METTL13: variants seen among roughly 807,000 people sequenced by gnomAD.
The protein encoded by METTL13 is eEF1A lysine and N-terminal methyltransferase.
METTL13 carries 52 observed loss-of-function variants against 67.4 expected under a neutral mutation model. The ratio of observed to expected loss-of-function variants is 0.77; its 90% CI spans 0.62 to 0.97. The LOEUF is 0.97. Ranked by LOEUF, METTL13 falls within the 50% of genes least tolerant of loss-of-function variation. The pLI, the probability that METTL13 is intolerant of heterozygous loss-of-function variation, is 0.00. For missense variants in METTL13, 825 were observed against 889.6 expected (o/e 0.93, Z 0.92); for synonymous variants, 354 against 353.6 (o/e 1.00, Z -0.01).
At position 171,792,028 on chromosome 1, in the gene METTL13, G is replaced by A; in HGVS notation, c.1486G>A (p.Ala496Thr). The change falls in exon 6 of 8, where the codon GCA becomes ACA. Residue 496 changes from alanine to threonine, a missense_variant. Physicochemically the swap from Ala to Thr is moderately conservative, Grantham distance 58. Coordinates refer to ENST00000361735, the MANE Select transcript of METTL13 (RefSeq NM_015935.5). ...NPELLLEIPLALLVVGLGGGS... is the reference protein window; with the variant it reads ...NPELLLEIPLTLLVVGLGGGS... Reference sequence around the variant, plus strand: ...TTCTTTTCTTACAGAGATCCCACTGGCATTGTTGGTGGTAGGCCTGGGCGG... The same window carrying A: ...TTCTTTTCTTACAGAGATCCCACTGACATTGTTGGTGGTAGGCCTGGGCGG... 2 of 1,612,624 alleles carry A rather than the reference G, an allele frequency of 1.2e-6. No homozygotes were observed. Among genetic ancestry groups the A allele is most frequent in the Admixed American group, 1.7e-5 (1 of 60,034 alleles).
At chr1:171,783,599 A>G (rs1185342222) in intron 1 of METTL13, 141 bp from the exon 2 acceptor site, 5 of 938,990 alleles carry the variant, frequency 5.3e-6, no homozygotes, top group Non-Finnish European at 8.0e-6. Flanking sequence ...TCAACTCTAC[A>G]ATGTCGCTCT....
At chr1:171,791,936 T>C (rs1337382562) in intron 5 of METTL13, 81 bp from the exon 6 acceptor site, 2 of 1,447,384 alleles carry the variant, frequency 1.4e-6, no homozygotes, top group Non-Finnish European at 1.9e-6. Flanking sequence ...TGAGCTGACT[T>C]TCCCTTTTGC....
At chr1:171,795,767 C>T (rs995259407) in intron 7 of METTL13, among the ~76,000 whole-genome samples, 3 of 152,188 alleles carry the variant, frequency 2.0e-5, no homozygotes, top group Admixed American at 6.5e-5. Flanking sequence ...AAGATAACCT[C>T]GGCCCTGTCA....
chr1:171,782,967 A>G (rs903243541), intron 1 of METTL13, among the ~76,000 whole-genome samples: 2 of 151,914 alleles, frequency 1.3e-5, no homozygotes, highest in Admixed American at 6.6e-5. Context: ...GGTGCTGTGT[A>G]TGTGCATGTG....
At position 171,782,062 on chromosome 1, in the gene METTL13, ATGGAACCTACC is replaced by A. The variant is rs748806964; in HGVS notation, c.102_112del (p.Tyr35ValfsTer6). The A allele has an allele frequency of 6.2e-7, 1 of 1,614,148 alleles. No individual in the cohort carries two copies. Among genetic ancestry groups the A allele is most frequent in the East Asian group, 2.2e-5 (1 of 44,874 alleles). ...CGAGGAAAGAAAGCTTTCGAGTGGT[ATGGAACCTACC>A]TGGAACTGTGCGGGGTGCTACATAA... On this transcript the variant is annotated frameshift_variant, in exon 1 of 8. Coordinates refer to ENST00000361735, the MANE Select transcript of METTL13 (RefSeq NM_015935.5). LOFTEE classifies it high-confidence loss of function.
rs1657178686 is a variant in METTL13, at chr1:171,790,734, C to A, written c.1474+118C>A. The A allele has an allele frequency of 2.7e-6, 3 of 1,129,072 alleles. No homozygotes were observed. In the East Asian group the frequency reaches 8.5e-5, roughly 32 times the overall value. 69.9% of individuals were successfully genotyped at this position (1,129,072 alleles called of 1,614,324 possible). On this transcript the variant is annotated intron_variant, in intron 5 of 7. Coordinates refer to ENST00000361735, the MANE Select transcript of METTL13 (RefSeq NM_015935.5). ...AATTACAAGCTGACAATGTATCTTT[C>A]TTCATCTCAACCATGTTATAAGTTA...
At chr1:171,785,834 T>C in intron 2 of METTL13, 45 bp from the exon 3 acceptor site, 1 of 1,597,068 alleles carries the variant, frequency 6.3e-7, no homozygotes, top group African/African-American at 1.3e-5. Flanking sequence ...GGTTGTGGGC[T>C]TGATCACTTT....
chr1:171,787,976 T>C (rs1657081827), intron 4 of METTL13, 46 bp downstream of exon 4: 3 of 1,594,888 alleles, frequency 1.9e-6, no homozygotes, highest in South Asian at 2.2e-5. Context: ...GGCCGTGGCA[T>C]GGACTAGATT....
At chr1:171,791,306 T>C (rs1657196652) in intron 5 of METTL13, among the ~76,000 whole-genome samples, 1 of 152,186 alleles carries the variant, frequency 6.6e-6, no homozygotes, top group South Asian at 2.1e-4. Flanking sequence ...TTTCCTGTGA[T>C]TTGTGGAACT....
chr1:171,792,202 G>C lies in METTL13; in HGVS notation c.1660G>C (p.Asp554His). Residue 554 changes from aspartate (D) to histidine (H), a missense_variant, in exon 6 of 8, where the codon GAC becomes CAC. By Grantham distance (81) the Asp-to-His change is moderately conservative. Coordinates refer to ENST00000361735, the MANE Select transcript of METTL13 (RefSeq NM_015935.5). Reference sequence around the variant, plus strand: ...GAAGGTCCACATTGCAGATGGCCTGGACTATATCGCCAGCTTGGCAGGAGG... The same window carrying C: ...GAAGGTCCACATTGCAGATGGCCTGCACTATATCGCCAGCTTGGCAGGAGG... ...RMKVHIADGL[D>H]YIASLAGGGE... The C allele has an allele frequency of 6.2e-7, 1 of 1,614,208 alleles. No individual in the cohort carries two copies. The highest frequency in any genetic ancestry group is 8.5e-7 in the Non-Finnish European group (1 of 1,180,042).
chr1:171,783,591 A>C (rs1242587938), intron 1 of METTL13, 149 bp from the exon 2 acceptor site: 2 of 858,622 alleles, frequency 2.3e-6, no homozygotes, highest in African/African-American at 3.4e-5. Flanking sequence ...GTCTAGCATC[A>C]ACTCTACAAT....
At chr1:171,785,810 G>T in intron 2 of METTL13, 69 bp from the exon 3 acceptor site, 1 of 1,531,624 alleles carries the variant, frequency 6.5e-7, no homozygotes, top group Non-Finnish European at 8.9e-7. Context: ...GCTCCCTGCC[G>T]TTTGGGCCAT....
chr1:171,796,489 T>TA lies in METTL13; in HGVS notation c.1834dup (p.Ile612AsnfsTer32). ...TTTCTTCCTACCCTATAGGTGTTTT[T>TA]ATTCTCAACCTTGTGTGCCGAGACT... On this transcript the variant is annotated frameshift_variant, in exon 8 of 8. Coordinates refer to ENST00000361735, the MANE Select transcript of METTL13 (RefSeq NM_015935.5). LOFTEE classifies it high-confidence loss of function. 6.2e-7 allele frequency: 1 copy of TA among 1,614,196 alleles called. No individual in the cohort carries two copies. The highest frequency in any genetic ancestry group is 8.5e-7 in the Non-Finnish European group (1 of 1,180,024).
At chr1:171,789,278 G>A (rs1243804417) in intron 4 of METTL13, among the ~76,000 whole-genome samples, 3 of 152,158 alleles carry the variant, frequency 2.0e-5, no homozygotes, top group African/African-American at 7.2e-5. Flanking sequence ...TTTACTGCTG[G>A]GGAATGCAGC....
chr1:171,793,113 C>G (rs1211918511), intron 6 of METTL13, among the ~76,000 whole-genome samples: 1 of 152,170 alleles, frequency 6.6e-6, no homozygotes, highest in African/African-American at 2.4e-5. Context: ...GACTGCTGGT[C>G]TGCTCATTCC....
Position 171,796,855 on chromosome 1 carries a change from A to G in METTL13, c.*99A>G. On this transcript the variant is annotated 3_prime_UTR_variant, in exon 8 of 8. Transcript: ENST00000361735. ...ACGCACAGTACTTTTGAAGCTTCGT[A>G]TTTTTCTTGGTTTCACACTCAGCTA... 6.8e-7 allele frequency: 1 copy of G among 1,471,304 alleles called. No individual in the cohort carries two copies. Among genetic ancestry groups the G allele is most frequent in the Admixed American group, 2.1e-5 (1 of 46,544 alleles). The allele number at this position is 1,471,304 out of a possible 1,614,324, so 91.1% of individuals were successfully genotyped here.
rs376246493 is a variant in METTL13 at position 171,784,017 on chromosome 1, C to T, written c.431C>T (p.Ala144Val). The T allele has an allele frequency of 1.9e-6, 3 of 1,614,110 alleles. No individual in the cohort carries two copies. The highest frequency in any genetic ancestry group is 2.5e-6 in the Non-Finnish European group (3 of 1,180,034). The change falls in exon 2 of 8, where the codon GCT (alanine) becomes GTT (valine). Residue 144 changes from alanine to valine, a missense_variant. Transcript: ENST00000361735. ...TTACAACAGGTGGACAGGATGCTGG[C>T]TGAGGTTGGCCGTGTCCTGCAGGTG... ...KTLQQVDRML[A>V]EVGRVLQVGG...
At chr1:171,795,971 C>T (rs1036913164) in intron 7 of METTL13, among the ~76,000 whole-genome samples, 3 of 152,126 alleles carry the variant, frequency 2.0e-5, no homozygotes, top group Non-Finnish European at 2.9e-5. Context: ...GCCCCACTAG[C>T]AGCTCCTGCC....
rs2029863171 is a variant in METTL13, at chr1:171,796,959, A to T, written c.*203A>T. 4.7e-6 allele frequency: 3 copies of T among 644,044 alleles called. No homozygotes were observed. In the African/African-American group the frequency reaches 5.5e-5, roughly 12 times the overall value. 39.9% of individuals were successfully genotyped at this position (644,044 alleles called of 1,614,324 possible). ...TCCTTCCCATCTTGTCCTCTTCAGT[A>T]CCACTTGGGTTGGTTTGTCTTTGCT... On this transcript the variant is annotated 3_prime_UTR_variant, in exon 8 of 8. Coordinates refer to ENST00000361735, the MANE Select transcript of METTL13 (RefSeq NM_015935.5).
Sources: allele counts gnomAD v4.1 joint callset (sites outside exome capture counted in the v4.1 genomes callset), GRCh38; gene constraint gnomAD v4.1.1; transcripts MANE v1.5; gene names NCBI Gene and HGNC (gene_info 2026-07-23, HGNC 2026-07-21).